TRAM2: variants seen among roughly 807,000 people sequenced by gnomAD.
TRAM2 encodes translocating chain-associated membrane protein 2.
A neutral mutation model predicts 51.0 loss-of-function variants in TRAM2; 12 were observed. The ratio of observed to expected loss-of-function variants is 0.24; its 90% CI spans 0.15 to 0.38. The LOEUF (loss-of-function observed/expected upper bound fraction) is 0.38, where lower values mean the gene tolerates loss of function less well. Ranked by LOEUF, TRAM2 falls within the 10% of genes least tolerant of loss-of-function variation. The pLI, the probability that TRAM2 is intolerant of heterozygous loss-of-function variation, is 1.00. For missense variants in TRAM2, 361 were observed against 462.0 expected (o/e 0.78, Z 2.00); for synonymous variants, 175 against 179.4 (o/e 0.98, Z 0.20).
intron 2 of TRAM2, chr6:52,523,150 C>G: frequency 2.4e-6 from 1 of 411,258 alleles, no homozygotes; most frequent in Admixed American, 4.1e-5. Context: ...GTAAAATTTT[C>G]TTCTATTGGT....
rs1766206052 is a variant in TRAM2, at chr6:52,500,853, T to A, written c.*2344A>T. 1 of 152,256 alleles carries A rather than the reference T, an allele frequency of 6.6e-6. No individual in the cohort carries two copies. The allele number at this position is 152,256 out of a possible 1,614,324, so 9.4% of individuals were successfully genotyped here. Reference sequence around the variant, plus strand: ...CATCCCAGCATGCCATACATATCTGTTGAAGCCACAACTCAACAGTTTAAC... The same window carrying A: ...CATCCCAGCATGCCATACATATCTGATGAAGCCACAACTCAACAGTTTAAC... On this transcript the variant is annotated 3_prime_UTR_variant, in exon 11 of 11. Coordinates refer to ENST00000182527, the MANE Select transcript of TRAM2 (RefSeq NM_012288.4).
rs1243744788 is a variant in TRAM2 at position 52,561,477 on chromosome 6, GTTTC to G, written c.120+15315_120+15318del. 4.8e-5 allele frequency among the ~76,000 whole-genome samples: 7 copies of G among 145,186 alleles called. No homozygotes were observed. The South Asian group carries it at 1.3e-3, about 28-fold the overall frequency. On this transcript the variant is annotated intron_variant, in intron 1 of 10. Transcript: ENST00000182527. ...TCTTTTATACTTTAGTAGAGATGGA[GTTTC>G]TTTTTCTTTTTTTTTTTTTTTTGAG...
At chr6:52,576,206 AC>A (rs1767761906) in intron 1 of TRAM2, among the ~76,000 whole-genome samples, 3 of 152,246 alleles carry the variant, frequency 2.0e-5, no homozygotes, top group Admixed American at 6.5e-5. Context: ...CTTCTAGAGC[AC>A]AGCAAAAAAG....
intron 1 of TRAM2, among the ~76,000 whole-genome samples, chr6:52,560,233 G>A (rs1767476246): frequency 6.6e-6 from 1 of 150,666 alleles, no homozygotes; most frequent in African/African-American, 2.5e-5. Flanking sequence ...AGTGACAAGA[G>A]CGAAACTGTC....
chr6:52,562,278 G>A (rs187330643), intron 1 of TRAM2, among the ~76,000 whole-genome samples: 159 of 152,240 alleles, frequency 1.0e-3, no homozygotes, highest in African/African-American at 3.6e-3. Flanking sequence ...ATAAACTTGG[G>A]GGTCATCAGA....
intron 1 of TRAM2, among the ~76,000 whole-genome samples, chr6:52,563,964 C>T (rs1307336032): frequency 1.3e-5 from 2 of 151,096 alleles, no homozygotes; most frequent in East Asian, 1.9e-4. Flanking sequence ...CATGCACATG[C>T]TAAAGTAGCC....
chr6:52,537,729 CG>C (rs201766733), intron 1 of TRAM2, among the ~76,000 whole-genome samples: 4 of 25,874 alleles, frequency 1.5e-4, no homozygotes, highest in East Asian at 2.9e-3. Flanking sequence ...TGTGCCGTCC[CG>C]TTCCCATTTA....
chr6:52,522,972 A>G, intron 2 of TRAM2: 1 of 698,710 alleles, frequency 1.4e-6, no homozygotes, highest in South Asian at 1.5e-5. Flanking sequence ...CCTCTGCACA[A>G]CCTGAGCTGG....
intron 2 of TRAM2, among the ~76,000 whole-genome samples, chr6:52,520,697 T>G (rs1020869424): frequency 1.5e-4 from 23 of 152,234 alleles, no homozygotes; most frequent in South Asian, 6.2e-4. Context: ...TTTCTTGGGT[T>G]TCCTCACTCC....
Position 52,506,039 on chromosome 6 carries a change from C to T in TRAM2, c.724G>A (p.Glu242Lys), listed in dbSNP as rs757118859. ...TGCAGCAGACCCACTTACAGTTTCTCGTTGTTTTCATCTGCAAAGTAGAAG... is the reference window on the plus strand; with the variant it reads ...TGCAGCAGACCCACTTACAGTTTCTTGTTGTTTTCATCTGCAAAGTAGAAG... ...RLFYFADENN[E>K]KLFSAWAAVF... is the part of the protein sequence containing the mutation. Residue 242 changes from glutamate (E) to lysine (K), a missense_variant, in exon 8 of 11, where the codon GAG becomes AAG. Physicochemically the swap from Glu to Lys is moderately conservative, Grantham distance 56. Transcript: ENST00000182527. 4 of 1,614,120 alleles carry T rather than the reference C, an allele frequency of 2.5e-6. No individual in the cohort carries two copies. Among genetic ancestry groups the T allele is most frequent in the South Asian group, 1.1e-5 (1 of 91,080 alleles).
chr6:52,528,022 A>G (rs1367463217), intron 2 of TRAM2, among the ~76,000 whole-genome samples: 1 of 152,228 alleles, frequency 6.6e-6, no homozygotes, highest in Non-Finnish European at 1.5e-5. Flanking sequence ...CCTCAGGGCC[A>G]GAGAGCTTTG....
At chr6:52,574,001 C>T (rs1162511659) in intron 1 of TRAM2, among the ~76,000 whole-genome samples, 1 of 152,152 alleles carries the variant, frequency 6.6e-6, no homozygotes, top group African/African-American at 2.4e-5. Context: ...CTAGCCAGGG[C>T]CAAGTCAGAA....
At chr6:52,562,752 C>G (rs142363553) in intron 1 of TRAM2, among the ~76,000 whole-genome samples, 16 of 152,138 alleles carry the variant, frequency 1.1e-4, no homozygotes, top group Admixed American at 2.6e-4. Flanking sequence ...ATGTTCCCCT[C>G]CCTATGTCAA....
chr6:52,555,399 T>G (rs944256349), intron 1 of TRAM2, among the ~76,000 whole-genome samples: 2 of 152,138 alleles, frequency 1.3e-5, no homozygotes, highest in African/African-American at 2.4e-5. Context: ...CAAAATAATA[T>G]GCATTTCATT....
Position 52,508,337 on chromosome 6 carries a change from G to A in TRAM2, c.471-19C>T. The A allele has an allele frequency of 5.0e-6, 8 of 1,611,888 alleles. No individual in the cohort carries two copies. Among genetic ancestry groups the A allele is most frequent in the Non-Finnish European group, 6.8e-6 (8 of 1,178,878 alleles). On this transcript the variant is annotated intron_variant, in intron 5 of 10. Transcript: ENST00000182527. ...CTGGAAGCTGGAGACAAGGGGGCAA[G>A]TCACACGGGCAGGATAGAGAAAAGT... is the stretch of plus-strand genomic sequence containing the variant.
At position 52,577,047 on chromosome 6, in the gene TRAM2, C is replaced by G; in HGVS notation, c.-132G>C. Reference sequence around the variant, plus strand: ...CTCCCACAGCCGCTCGCCCGCCCAGCGCGGAACAACTTCGGGGCCCGCCCC... The same window carrying G: ...CTCCCACAGCCGCTCGCCCGCCCAGGGCGGAACAACTTCGGGGCCCGCCCC... On this transcript the variant is annotated 5_prime_UTR_variant, in exon 1 of 11. Coordinates refer to ENST00000182527, the MANE Select transcript of TRAM2 (RefSeq NM_012288.4). 9.4e-7 allele frequency: 1 copy of G among 1,065,304 alleles called. No homozygotes were observed. The highest frequency in any genetic ancestry group is 4.8e-5 in the Admixed American group (1 of 20,774). 66.0% of individuals were successfully genotyped at this position (1,065,304 alleles called of 1,614,324 possible).
chr6:52,548,808 G>A (rs1767255971), intron 1 of TRAM2, among the ~76,000 whole-genome samples: 1 of 152,200 alleles, frequency 6.6e-6, no homozygotes, highest in Non-Finnish European at 1.5e-5. Context: ...GTTAGGCAAA[G>A]GGCAAGTGGA....
intron 1 of TRAM2, among the ~76,000 whole-genome samples, chr6:52,538,418 GA>G (rs943595020): frequency 2.0e-5 from 3 of 152,164 alleles, no homozygotes; most frequent in Non-Finnish European, 4.4e-5. Flanking sequence ...GGATGGAGGG[GA>G]TAGACCCTCT....
intron 1 of TRAM2, among the ~76,000 whole-genome samples, chr6:52,552,971 A>G (rs1767335869): frequency 6.6e-6 from 1 of 152,136 alleles, no homozygotes; most frequent in Non-Finnish European, 1.5e-5. Context: ...TAAGAGCTTC[A>G]TATTCTCATT....
Sources: allele counts gnomAD v4.1 joint callset (sites outside exome capture counted in the v4.1 genomes callset), GRCh38; gene constraint gnomAD v4.1.1; transcripts MANE v1.5; gene names NCBI Gene and HGNC (gene_info 2026-07-23, HGNC 2026-07-21).